The following ITPR1 variants were observed in gnomAD, a reference collection of about 807,000 sequenced individuals.
ITPR1 encodes the protein inositol 1,4,5-trisphosphate receptor type 1.
In ITPR1, 96 loss-of-function variants were observed where a neutral mutation model predicts 318.4. That is an observed-to-expected ratio of 0.30 (90% CI 0.26 to 0.36). The LOEUF (loss-of-function observed/expected upper bound fraction) is 0.36. ITPR1 is among the 10% of genes least tolerant of loss of function. The pLI, the probability that ITPR1 is intolerant of heterozygous loss-of-function variation, is 1.00. For synonymous variants in ITPR1, 1,312 were observed against 1,289.9 expected (o/e 1.02, Z -0.37); for missense variants, 2,440 against 3,460.2 (o/e 0.71, Z 7.40).
chr3:4,800,311 G>T lies in ITPR1; in HGVS notation c.6932-114G>T. The T allele has an allele frequency of 4.7e-6, 5 of 1,054,446 alleles. No homozygotes were observed. The Admixed American group carries it at 7.8e-5, about 16-fold the overall frequency. The allele number at this position is 1,054,446 out of a possible 1,614,324, so 65.3% of individuals were successfully genotyped here. On this transcript the variant is annotated intron_variant, in intron 53 of 61. Transcript: ENST00000649015. The stretch of plus-strand genomic sequence containing the variant: ...GCAGAGAATTTGAGGTGAGAGTTGG[G>T]ACTGGTAAGCCAAAAAAGTTATTGA...
intron 4 of ITPR1, among the ~76,000 whole-genome samples, chr3:4,585,376 C>T (rs1383043577): frequency 1.3e-5 from 2 of 152,280 alleles, no homozygotes; most frequent in African/African-American, 4.8e-5. Flanking sequence ...TCCTGGTACA[C>T]AAAACTCTTT....
intron 4 of ITPR1, among the ~76,000 whole-genome samples, chr3:4,587,432 C>T (rs992766552): frequency 5.3e-5 from 8 of 151,998 alleles, no homozygotes; most frequent in South Asian, 2.1e-4. Context: ...CACCATGCCC[C>T]GCTAATTTTT....
intron 4 of ITPR1, among the ~76,000 whole-genome samples, chr3:4,588,519 G>A (rs1250989367): frequency 1.3e-5 from 2 of 151,758 alleles, no homozygotes; most frequent in East Asian, 1.9e-4. Flanking sequence ...TCTCTCTTCC[G>A]CTTTCTCACC....
chr3:4,684,138 G>C, intron 28 of ITPR1, 143 bp from the exon 29 acceptor site: 4 of 656,534 alleles, frequency 6.1e-6, no homozygotes, highest in South Asian at 5.7e-5. Flanking sequence ...CAAGTAGGTA[G>C]ATGACTGGGG....
At chr3:4,843,679 G>C (rs918112192) in intron 61 of ITPR1, among the ~76,000 whole-genome samples, 2 of 152,184 alleles carry the variant, frequency 1.3e-5, no homozygotes, top group Non-Finnish European at 2.9e-5. Context: ...ATGACTACCT[G>C]AGCAAAGAAT....
In ITPR1 at chr3:4,693,480, C is replaced by T; in HGVS notation, c.4030-10C>T. 6.2e-7 allele frequency: 1 copy of T among 1,611,940 alleles called. No individual in the cohort carries two copies. The highest frequency in any genetic ancestry group is 2.2e-5 in the East Asian group (1 of 44,814). ...GCTTGTAATCTAAACCCACCCTGTTCTTTATGTAGCTGGTCAATTCGGGAG... is the reference window on the plus strand; with the variant it reads ...GCTTGTAATCTAAACCCACCCTGTTTTTTATGTAGCTGGTCAATTCGGGAG... On this transcript the variant is annotated splice_polypyrimidine_tract_variant and intron_variant, in intron 32 of 61. Transcript: ENST00000649015.
intron 4 of ITPR1, among the ~76,000 whole-genome samples, chr3:4,571,075 G>A (rs937775716): frequency 3.3e-5 from 5 of 152,122 alleles, no homozygotes; most frequent in South Asian, 2.1e-4. Flanking sequence ...AGCTAGCCCC[G>A]TGCACAAGTC....
chr3:4,778,915 A>G (rs1256314333), intron 48 of ITPR1, among the ~76,000 whole-genome samples: 3 of 152,242 alleles, frequency 2.0e-5, no homozygotes, highest in East Asian at 1.9e-4. Flanking sequence ...AGGGCCTAAA[A>G]TGAAGTCAAG....
intron 4 of ITPR1, among the ~76,000 whole-genome samples, chr3:4,577,656 GA>G (rs1208145835): frequency 6.6e-6 from 1 of 152,174 alleles, no homozygotes; most frequent in Non-Finnish European, 1.5e-5. Flanking sequence ...CTTTGCTGTT[GA>G]AATTTGTCCA....
At chr3:4,592,460 G>C (rs2090466994) in intron 4 of ITPR1, among the ~76,000 whole-genome samples, 1 of 151,816 alleles carries the variant, frequency 6.6e-6, no homozygotes, top group South Asian at 2.1e-4. Context: ...TTTTCCCTTT[G>C]TGGCCTTTGG....
At position 4,679,104 on chromosome 3, in the gene ITPR1, C is replaced by T. The variant is rs911601870; in HGVS notation, c.2968-1449C>T. ...CAGTAGGGGAGAACTCTATGAGAAGCGGTAAATGGAGAACCACCAGGACTT... is the reference window on the plus strand; with the variant it reads ...CAGTAGGGGAGAACTCTATGAGAAGTGGTAAATGGAGAACCACCAGGACTT... On this transcript the variant is annotated intron_variant, in intron 24 of 61. Coordinates refer to ENST00000649015, the MANE Select transcript of ITPR1 (RefSeq NM_001378452.1). Among the ~76,000 whole-genome samples the T allele has an allele frequency of 5.9e-5, 9 of 152,096 alleles. No homozygotes were observed. In the East Asian group the frequency reaches 1.4e-3, roughly 23 times the overall value.
At chr3:4,797,009 A>C (rs2125418036) in intron 53 of ITPR1, among the ~76,000 whole-genome samples, 1 of 152,150 alleles carries the variant, frequency 6.6e-6, no homozygotes, top group African/African-American at 2.4e-5. Flanking sequence ...CCAACTCTAA[A>C]ATGGTGCATT....
chr3:4,533,951 G>A (rs769388347), intron 4 of ITPR1, among the ~76,000 whole-genome samples: 2 of 152,174 alleles, frequency 1.3e-5, no homozygotes, highest in Non-Finnish European at 2.9e-5. Context: ...CAGACAGGAG[G>A]AAGTTATTGC....
Position 4,735,278 on chromosome 3 carries a change from C to T in ITPR1, c.5468C>T (p.Ala1823Val), listed in dbSNP as rs1193193765. Reference sequence around the variant, plus strand: ...CTAGTTATCGACCTCATCATGAACGCATCCAGTGACCGAGTGTTCCATGAA... The same window carrying T: ...CTAGTTATCGACCTCATCATGAACGTATCCAGTGACCGAGTGTTCCATGAA... ...SNLVIDLIMN[A>V]SSDRVFHESI... is the part of the protein sequence containing the mutation. The change falls in exon 44 of 62, where the codon GCA (alanine) becomes GTA (valine). Residue 1823 changes from alanine to valine, a missense_variant. By Grantham distance (64) the Ala-to-Val change is moderately conservative. Around this residue, in one of 23 missense-constraint regions of ITPR1, gnomAD observed 80 missense variants for 122.0 expected, o/e 0.66. Transcript: ENST00000649015. The T allele has an allele frequency of 1.2e-6, 2 of 1,613,804 alleles. No homozygotes were observed. Among genetic ancestry groups the T allele is most frequent in the African/African-American group, 1.3e-5 (1 of 74,908 alleles).
chr3:4,681,604 TGAGAGAGAGAGAGA>T (rs199705361), intron 26 of ITPR1, among the ~76,000 whole-genome samples, 186 bp downstream of exon 26: 1 of 99,238 alleles, frequency 1.0e-5, no homozygotes, highest in East Asian at 2.9e-4. Flanking sequence ...AGAGAGAGAG[TGAGAGAGAGAGAGA>T]GAGAAAGTGT....
chr3:4,706,114 A>C, intron 36 of ITPR1, 53 bp from the exon 37 acceptor site: 1 of 1,595,942 alleles, frequency 6.3e-7, no homozygotes, highest in Non-Finnish European at 8.6e-7. Context: ...GTCCATCTGT[A>C]GGGTGTCCCC....
At chr3:4,637,008 A>G (rs1575832319) in intron 5 of ITPR1, among the ~76,000 whole-genome samples, 1 of 152,248 alleles carries the variant, frequency 6.6e-6, no homozygotes, top group African/African-American at 2.4e-5. Context: ...AACTGAAGCC[A>G]TTGGACATTC....
intron 44 of ITPR1, among the ~76,000 whole-genome samples, chr3:4,754,052 G>GGC (rs1553727650): frequency 4.5e-5 from 6 of 131,984 alleles, no homozygotes; most frequent in Admixed American, 3.9e-4. Flanking sequence ...AGAAAATGGG[G>GGC]GGGGGGTGGC....
chr3:4,703,021 A>G, intron 36 of ITPR1, 71 bp downstream of exon 36: 5 of 1,528,270 alleles, frequency 3.3e-6, no homozygotes, highest in Non-Finnish European at 4.5e-6. Context: ...GCTGCCATTT[A>G]TTGAGCACTC....
Sources: gnomAD v4.1 joint callset for allele counts (sites outside exome capture counted in the v4.1 genomes callset) on GRCh38, gnomAD v4.1.1 for gene constraint, gnomAD v4.1.1 regional missense constraint, MANE v1.5 for transcripts, NCBI Gene and HGNC (gene_info 2026-07-23, HGNC 2026-07-21) for gene names.